The following GALM variants were observed in gnomAD, a reference collection of about 807,000 sequenced individuals.
GALM encodes aldose 1-epimerase.
GALM carries 43 observed loss-of-function variants against 37.4 expected under a neutral mutation model. The ratio of observed to expected loss-of-function variants is 1.15; its 90% CI spans 0.90 to 1.48. The LOEUF (loss-of-function observed/expected upper bound fraction) is 1.48, where lower values mean the gene tolerates loss of function less well. Ranked by LOEUF, GALM falls within the 40% of genes most tolerant of loss-of-function variation. The pLI is 0.00. For synonymous variants in GALM, 199 were observed against 170.6 expected, an observed-to-expected ratio of 1.17 and a Z score of -1.30; for missense variants, 456 against 419.1, an observed-to-expected ratio of 1.09 and a Z score of -0.77.
chr2:38,687,720 A>G (rs1665571739), intron 3 of GALM, among the ~76,000 whole-genome samples: 1 of 151,990 alleles, frequency 6.6e-6, no homozygotes, highest in South Asian at 2.1e-4. Flanking sequence ...CCGAAAAAAA[A>G]AAAAAGAGAA....
At chr2:38,719,596 G>A (rs1666335156) in intron 4 of GALM, among the ~76,000 whole-genome samples, 1 of 151,412 alleles carries the variant, frequency 6.6e-6, no homozygotes, top group Non-Finnish European at 1.5e-5. Context: ...CCAACATGGT[G>A]AAATCCTGTC....
At chr2:38,688,741 A>G (rs781311020) in intron 3 of GALM, among the ~76,000 whole-genome samples, 2 of 152,240 alleles carry the variant, frequency 1.3e-5, no homozygotes, top group African/African-American at 4.8e-5. Flanking sequence ...ATTTGCAAAC[A>G]ACACAATGCA....
At chr2:38,707,932 A>T (rs1281249486) in intron 4 of GALM, among the ~76,000 whole-genome samples, 1 of 151,950 alleles carries the variant, frequency 6.6e-6, no homozygotes, top group Non-Finnish European at 1.5e-5. Flanking sequence ...AAATGGTGAA[A>T]CCCTGTCTCT....
chr2:38,719,103 C>A (rs910665214), intron 4 of GALM, among the ~76,000 whole-genome samples: 2 of 151,868 alleles, frequency 1.3e-5, no homozygotes, highest in African/African-American at 4.8e-5. Flanking sequence ...TGCACTTTCA[C>A]TGGTGGCTGG....
At chr2:38,670,660 G>A (rs559988085) in intron 1 of GALM, among the ~76,000 whole-genome samples, 36 of 152,260 alleles carry the variant, frequency 2.4e-4, no homozygotes, top group Non-Finnish European at 4.4e-4. Flanking sequence ...TATTTGATAC[G>A]TCTCTGATCA....
chr2:38,678,197 G>A (rs1052960453), intron 2 of GALM, among the ~76,000 whole-genome samples: 5 of 151,884 alleles, frequency 3.3e-5, no homozygotes, highest in Admixed American at 6.6e-5. Context: ...TGTATTTTTA[G>A]TAGAGACAGG....
intron 4 of GALM, among the ~76,000 whole-genome samples, chr2:38,707,604 T>C (rs934951610): frequency 6.6e-6 from 1 of 152,134 alleles, no homozygotes; most frequent in Non-Finnish European, 1.5e-5. Flanking sequence ...AGCCAGACTG[T>C]AACCGTTTGA....
At chr2:38,684,295 T>G (rs535418723) in intron 3 of GALM, among the ~76,000 whole-genome samples, 2 of 152,196 alleles carry the variant, frequency 1.3e-5, no homozygotes, top group African/African-American at 2.4e-5. Flanking sequence ...GTATGTAGGT[T>G]GCAGGTCGTT....
intron 6 of GALM, among the ~76,000 whole-genome samples, chr2:38,732,919 TAAAAAAAAAA>T (rs11424376): frequency 1.0e-5 from 1 of 97,942 alleles, no homozygotes; most frequent in Admixed American, 1.1e-4. Flanking sequence ...ACCCTGTCTT[TAAAAAAAAAA>T]AAAAAAAAGG....
chr2:38,691,933 C>A (rs962547726), intron 4 of GALM, among the ~76,000 whole-genome samples: 1 of 152,104 alleles, frequency 6.6e-6, no homozygotes, highest in Non-Finnish European at 1.5e-5. Context: ...ATTATCCAAA[C>A]GTATCTCAGT....
At chr2:38,686,572 G>C (rs1322106722) in intron 3 of GALM, among the ~76,000 whole-genome samples, 1 of 151,810 alleles carries the variant, frequency 6.6e-6, no homozygotes, top group Non-Finnish European at 1.5e-5. Flanking sequence ...CCAGAAAGTG[G>C]AAATTTCTAA....
rs1666658610 is a variant in GALM, at chr2:38,734,072, G to A, written c.*507G>A. On this transcript the variant is annotated 3_prime_UTR_variant, in exon 7 of 7. Coordinates refer to ENST00000272252, the MANE Select transcript of GALM (RefSeq NM_138801.3). ...ATGATTGATAAGTGAGGAAACTGAG[G>A]CTTACAGAGGTTGAAGACCAACAAG... is the stretch of plus-strand genomic sequence containing the variant. 1.2e-5 allele frequency: 2 copies of A among 170,070 alleles called. No homozygotes were observed. Among genetic ancestry groups the A allele is most frequent in the East Asian group, 1.5e-4 (1 of 6,452 alleles). 10.5% of individuals were successfully genotyped at this position (170,070 alleles called of 1,614,324 possible).
intron 4 of GALM, among the ~76,000 whole-genome samples, chr2:38,692,287 T>C (rs570951931): frequency 3.3e-5 from 5 of 152,216 alleles, no homozygotes; most frequent in Admixed American, 1.3e-4. Context: ...AATTGTCTGA[T>C]TCCTTTGAAA....
chr2:38,682,116 A>C (rs1026633406), intron 3 of GALM: 7 of 230,860 alleles, frequency 3.0e-5, no homozygotes, highest in African/African-American at 1.5e-4. Flanking sequence ...AGACACTAAA[A>C]TCAACCCAGC....
At chr2:38,705,099 A>G (rs1666011544) in intron 4 of GALM, among the ~76,000 whole-genome samples, 1 of 152,216 alleles carries the variant, frequency 6.6e-6, no homozygotes, top group Non-Finnish European at 1.5e-5. Context: ...ACAGTCAGTG[A>G]ATTTGTCAGA....
chr2:38,722,034 C>CG (rs1666387199), intron 4 of GALM, among the ~76,000 whole-genome samples: 2 of 67,830 alleles, frequency 2.9e-5, no homozygotes, highest in Non-Finnish European at 6.0e-5. Flanking sequence ...TTCCCTTCCC[C>CG]CCCCCACCCC....
chr2:38,684,234 TTGGAGACCTG>T (rs761225602), intron 3 of GALM, among the ~76,000 whole-genome samples: 57 of 152,200 alleles, frequency 3.7e-4, no homozygotes, highest in Non-Finnish European at 7.3e-4. Context: ...AGTTTGAGGG[TTGGAGACCTG>T]GGGAGGAGGG....
Position 38,712,822 on chromosome 2 carries a change from G to A in GALM, c.635-16734G>A, listed in dbSNP as rs1049304830. Among the ~76,000 whole-genome samples the A allele has an allele frequency of 3.4e-4, 52 of 152,242 alleles. 1 individual carries two copies. The highest frequency in any genetic ancestry group is 2.3e-3 in the Admixed American group (35 of 15,282). ...GAATTTAGGTTGTATGTTTATTTGG[G>A]GCGATGTGCAAGCAGGGGGTGCCCT... is the stretch of plus-strand genomic sequence containing the variant. On this transcript the variant is annotated intron_variant, in intron 4 of 6. Transcript: ENST00000272252.
At chr2:38,684,708 G>A (rs1047316009) in intron 3 of GALM, among the ~76,000 whole-genome samples, 4 of 152,138 alleles carry the variant, frequency 2.6e-5, no homozygotes, top group African/African-American at 4.8e-5. Flanking sequence ...TCAGGAGGCC[G>A]AGGCATGAGA....
Sources: gnomAD v4.1 joint callset for allele counts (sites outside exome capture counted in the v4.1 genomes callset) on GRCh38, gnomAD v4.1.1 for gene constraint, MANE v1.5 for transcripts, NCBI Gene and HGNC (gene_info 2026-07-23, HGNC 2026-07-21) for gene names.